Variants in CHD2 observed in about 807,000 individuals in gnomAD.
CHD2 encodes the protein chromodomain helicase DNA binding protein 2.
CHD2 carries 28 observed loss-of-function variants against 243.9 expected under a neutral mutation model. That is an observed-to-expected ratio of 0.11 (90% CI 0.09 to 0.16). The LOEUF is 0.16. Among genes scored for constraint, CHD2 ranks in the 10% least tolerant of loss-of-function variants. The probability of loss-of-function intolerance (pLI) is 1.00; values close to 1 mark genes in which losing one functional copy is unlikely to be tolerated. For missense variants in CHD2, 1,386 were observed against 2,209.8 expected (o/e 0.63, Z 7.47); for synonymous variants, 775 against 779.0 (o/e 0.99, Z 0.09).
chr15:92,955,886 C>T (rs989625570), intron 15 of CHD2, among the ~76,000 whole-genome samples: 21 of 152,196 alleles, frequency 1.4e-4, no homozygotes, highest in Non-Finnish European at 2.6e-4. Context: ...AGGTATTTCC[C>T]TTGAATGTCA....
chr15:92,984,926 A>T (rs2054022565), intron 25 of CHD2, among the ~76,000 whole-genome samples: 1 of 152,248 alleles, frequency 6.6e-6, no homozygotes, highest in Non-Finnish European at 1.5e-5. Flanking sequence ...CCAACTTGAC[A>T]GTTCACAAAG....
chr15:93,007,796 A>G (rs2054340261), intron 34 of CHD2, among the ~76,000 whole-genome samples: 1 of 152,212 alleles, frequency 6.6e-6, no homozygotes, highest in East Asian at 1.9e-4. Context: ...TAAGTTGTTC[A>G]TTTCTGCTTT....
intron 33 of CHD2, among the ~76,000 whole-genome samples, chr15:93,003,577 CTTTT>C (rs777417349): frequency 7.8e-6 from 1 of 128,382 alleles, no homozygotes; most frequent in Non-Finnish European, 1.7e-5. Flanking sequence ...CTTTAAGTGG[CTTTT>C]TTTTTTTTTT....
chr15:92,937,639 T>C lies in CHD2; in HGVS notation c.551+14T>C, dbSNP rs2053287764. 6.3e-7 allele frequency: 1 copy of C among 1,583,076 alleles called. No homozygotes were observed. The highest frequency in any genetic ancestry group is 1.4e-5 in the African/African-American group (1 of 73,858). On this transcript the variant is annotated intron_variant, in intron 6 of 38. Coordinates refer to ENST00000394196, the MANE Select transcript of CHD2 (RefSeq NM_001271.4). ...TGTCCCCAGAAGGTGCACTGTTTGC[T>C]TAAGATCTCTACTTGGGATGAGCTT...
chr15:92,924,449 C>G lies in CHD2; in HGVS notation c.191C>G (p.Ser64Trp). ...NSSSESSESQ[S>W]ESESESAGSK... ...AGCTCTGAATCTTCTGAGAGTCAGT[C>G]GGAATCTGAGAGCGAATCAGCAGGT... is the stretch of plus-strand genomic sequence containing the variant. Residue 64 changes from serine (S) to tryptophan (W), a missense_variant, in exon 3 of 39, where the codon TCG (serine) becomes TGG (tryptophan). Around this residue, in one of 19 missense-constraint regions of CHD2, gnomAD observed 89 missense variants for 102.4 expected, o/e 0.87. Coordinates refer to ENST00000394196, the MANE Select transcript of CHD2 (RefSeq NM_001271.4). 6.2e-7 allele frequency: 1 copy of G among 1,614,062 alleles called. No homozygotes were observed. The highest frequency in any genetic ancestry group is 1.1e-5 in the South Asian group (1 of 91,046).
intron 2 of CHD2, chr15:92,905,037 A>C: frequency 6.6e-7 from 1 of 1,515,812 alleles, no homozygotes; most frequent in African/African-American, 1.4e-5. Flanking sequence ...CTATATATTT[A>C]AGATTCACAG....
rs1220631281 is a variant in CHD2, at chr15:93,012,331, A to ATTTT, written c.4593-12_4593-9dup. On this transcript the variant is annotated splice_polypyrimidine_tract_variant and intron_variant, in intron 35 of 38. Transcript: ENST00000394196. ...ATTCTATAATTCACCAGAACTGTTC[A>ATTTT]TTTTTCTTTTTAGGAACCTATGGAT... 1 of 1,572,842 alleles carries ATTTT rather than the reference A, an allele frequency of 6.4e-7. No individual in the cohort carries two copies. The highest frequency in any genetic ancestry group is 8.7e-7 in the Non-Finnish European group (1 of 1,155,150).
intron 2 of CHD2, among the ~76,000 whole-genome samples, chr15:92,905,227 C>G (rs145739404): frequency 1.1e-4 from 16 of 152,250 alleles, no homozygotes; most frequent in African/African-American, 3.9e-4. Context: ...GTCACTTGGC[C>G]AAATCTTCGC....
intron 2 of CHD2, among the ~76,000 whole-genome samples, chr15:92,920,856 A>AG (rs1294119254): frequency 7.9e-5 from 12 of 152,362 alleles, no homozygotes; most frequent in African/African-American, 2.9e-4. Flanking sequence ...CCAGGCACAA[A>AG]GAACATCAAA....
chr15:92,962,151 A>T (rs1318295190), intron 16 of CHD2, among the ~76,000 whole-genome samples: 1 of 151,792 alleles, frequency 6.6e-6, no homozygotes, highest in African/African-American at 2.4e-5. Context: ...AAGTGCTGGG[A>T]TTGCAGGCGT....
At chr15:92,995,348 C>T (rs549157363) in intron 28 of CHD2, among the ~76,000 whole-genome samples, 13 of 152,236 alleles carry the variant, frequency 8.5e-5, no homozygotes, top group African/African-American at 2.9e-4. Context: ...TTCAAAGTCA[C>T]AACTATAAAA....
intron 6 of CHD2, 67 bp from the exon 7 acceptor site, chr15:92,939,511 T>G (rs1173866160): frequency 1.3e-6 from 2 of 1,517,790 alleles, no homozygotes; most frequent in Non-Finnish European, 1.8e-6. Flanking sequence ...TGGGAAATAC[T>G]GTTATATAAA....
At chr15:92,917,144 G>T (rs530243369) in intron 2 of CHD2, among the ~76,000 whole-genome samples, 2 of 152,046 alleles carry the variant, frequency 1.3e-5, no homozygotes, top group African/African-American at 4.8e-5. Flanking sequence ...TTCCCAGTCC[G>T]TCTGGGAAAC....
chr15:92,981,586 T>C, intron 24 of CHD2, 129 bp downstream of exon 24: 1 of 659,884 alleles, frequency 1.5e-6, no homozygotes, highest in Non-Finnish European at 2.6e-6. Context: ...ATCCTCAATA[T>C]TGTTCTCTGA....
chr15:92,970,124 CAA>C (rs950378976), intron 17 of CHD2, among the ~76,000 whole-genome samples: 1 of 152,096 alleles, frequency 6.6e-6, no homozygotes, highest in African/African-American at 2.4e-5. Context: ...GGCAAAGCTA[CAA>C]AGCCTGGTAT....
Position 92,946,113 on chromosome 15 carries a change from G to C in CHD2, c.1274G>C (p.Cys425Ser), listed in dbSNP as rs958915798. The stretch of plus-strand genomic sequence containing the variant: ...TGGATGGGACTCCCCTATTCAGAGT[G>C]TAGCTGGGAAGATGAAGCCCTCATT... ...CKWMGLPYSE[C>S]SWEDEALIGK... is the part of the protein sequence containing the mutation. The change falls in exon 12 of 39, where the codon TGT becomes TCT. Residue 425 changes from cysteine (C) to serine (S), a missense_variant. Transcript: ENST00000394196. The C allele has an allele frequency of 6.2e-6, 10 of 1,613,162 alleles. No homozygotes were observed. The highest frequency in any genetic ancestry group is 8.5e-6 in the Non-Finnish European group (10 of 1,179,454).
rs374320091 is a variant in CHD2 at position 92,911,550 on chromosome 15, C to T, written c.62+10251C>T. 1.9e-4 allele frequency among the ~76,000 whole-genome samples: 29 copies of T among 152,192 alleles called. No homozygotes were observed. In the East Asian group the frequency reaches 5.6e-3, roughly 29 times the overall value. ...GCCAGGAGTTCGAGACCAGCCTGGC[C>T]AACATGGTGAAACCCTGTGTCTACT... On this transcript the variant is annotated intron_variant, in intron 2 of 38. Coordinates refer to ENST00000394196, the MANE Select transcript of CHD2 (RefSeq NM_001271.4).
At chr15:93,019,894 C>T in intron 37 of CHD2, 118 bp from the exon 38 acceptor site, 28 of 1,238,280 alleles carry the variant, frequency 2.3e-5, no homozygotes, top group Non-Finnish European at 3.0e-5. Context: ...GATCGTGCCA[C>T]TGCACTCCAG....
Position 92,956,644 on chromosome 15 carries a change from G to A in CHD2, c.1995G>A (p.Pro665=), listed in dbSNP as rs747900073. 5.0e-6 allele frequency: 8 copies of A among 1,606,358 alleles called. No homozygotes were observed. Among genetic ancestry groups the A allele is most frequent in the Admixed American group, 1.7e-5 (1 of 57,722 alleles). Residue 665 remains proline (P), a synonymous_variant, in exon 16 of 39, where the codon CCG becomes CCA. Coordinates refer to ENST00000394196, the MANE Select transcript of CHD2 (RefSeq NM_001271.4). The part of the protein sequence containing the change: ...ELWSLLHFIM[P]EKFEFWEDFE... Reference sequence around the variant, plus strand: ...GGTCCTTGCTGCACTTTATTATGCCGGAGAAGTAAGCTCCTTCCTGTGTAT... The same window carrying A: ...GGTCCTTGCTGCACTTTATTATGCCAGAGAAGTAAGCTCCTTCCTGTGTAT...
Sources: gnomAD v4.1 joint callset for allele counts (sites outside exome capture counted in the v4.1 genomes callset) on GRCh38, gnomAD v4.1.1 for gene constraint, gnomAD v4.1.1 regional missense constraint, MANE v1.5 for transcripts, NCBI Gene and HGNC (gene_info 2026-07-23, HGNC 2026-07-21) for gene names.